NUP58: variants seen among roughly 807,000 people sequenced by gnomAD.
The protein encoded by NUP58 is nucleoporin p58/p45.
NUP58 carries 17 observed loss-of-function variants against 70.1 expected under a neutral mutation model. The observed-to-expected ratio is 0.24, with a 90% confidence interval of 0.17 to 0.36. The LOEUF (loss-of-function observed/expected upper bound fraction) is 0.36, where lower values mean the gene tolerates loss of function less well. Among genes scored for constraint, NUP58 ranks in the 10% least tolerant of loss-of-function variants. NUP58 has a pLI of 1.00. For missense variants in NUP58, 644 were observed against 701.5 expected, an observed-to-expected ratio of 0.92 and a Z score of 0.93; for synonymous variants, 275 against 257.6, an observed-to-expected ratio of 1.07 and a Z score of -0.65.
chr13:25,345,911 T>G (rs748980082), downstream of NUP58, among the ~76,000 whole-genome samples: 6 of 152,344 alleles, frequency 3.9e-5, no homozygotes, highest in Non-Finnish European at 8.8e-5. Flanking sequence ...AGAATGTGTT[T>G]GTTTTTTCTA....
intron 1 of NUP58, among the ~76,000 whole-genome samples, chr13:25,306,904 G>A (rs1429522521): frequency 6.6e-6 from 1 of 152,086 alleles, no homozygotes; most frequent in East Asian, 1.9e-4. Flanking sequence ...ATGATCCTGA[G>A]ACAGGGTGAT....
intron 9 of NUP58, among the ~76,000 whole-genome samples, chr13:25,324,118 CAG>C (rs2031298230): frequency 6.6e-6 from 1 of 151,984 alleles, no homozygotes; most frequent in Non-Finnish European, 1.5e-5. Context: ...TAGCAGGGGT[CAG>C]AGTCTTGAAT....
intron 13 of NUP58, chr13:25,335,558 A>G (rs2031750695): frequency 1.0e-6 from 1 of 983,590 alleles, no homozygotes; most frequent in Non-Finnish European, 1.2e-6. Context: ...TCTCAAAGTG[A>G]TCTCAAACTG....
downstream of NUP58, among the ~76,000 whole-genome samples, chr13:25,346,161 T>C (rs961510571): frequency 2.6e-5 from 4 of 152,174 alleles, no homozygotes; most frequent in Non-Finnish European, 5.9e-5. Flanking sequence ...TTGTCTATAC[T>C]CAATAGCTAA....
Position 25,307,780 on chromosome 13 carries a change from GTTTTGT to G in NUP58, c.108-17_108-12del, listed in dbSNP as rs1203588537. ...ACCTCCTTTTGTGCATGTGATTTTT[GTTTTGT>G]TTTTGTTTCTTTAAATAAGCAACCC... On this transcript the variant is annotated intron_variant, in intron 1 of 15. Transcript: ENST00000381736. The G allele has an allele frequency of 3.1e-6, 5 of 1,610,998 alleles. No homozygotes were observed. Among genetic ancestry groups the G allele is most frequent in the South Asian group, 1.1e-5 (1 of 90,736 alleles).
chr13:25,306,595 ATTC>A (rs901381667), intron 1 of NUP58, among the ~76,000 whole-genome samples: 1 of 152,126 alleles, frequency 6.6e-6, no homozygotes, highest in African/African-American at 2.4e-5. Context: ...CATGGTGATT[ATTC>A]TTTATGGAAG....
At chr13:25,313,851 AT>A in intron 5 of NUP58, 100 bp downstream of exon 5, 1 of 918,710 alleles carries the variant, frequency 1.1e-6, no homozygotes, top group Non-Finnish European at 1.5e-6. Flanking sequence ...TAATCTGCAT[AT>A]TTTCCTTTAA....
intron 13 of NUP58, chr13:25,336,257 T>G: frequency 7.3e-7 from 1 of 1,366,428 alleles, no homozygotes; most frequent in South Asian, 1.1e-5. Flanking sequence ...TAGAACTCAA[T>G]TATCACTTTT....
intron 13 of NUP58, 58 bp downstream of exon 13, chr13:25,331,616 G>A (rs566874638): frequency 2.2e-5 from 34 of 1,557,220 alleles, no homozygotes; most frequent in East Asian, 1.9e-4. Context: ...ATTTATGTGC[G>A]TTTTTATAAG....
At chr13:25,334,017 A>G in intron 13 of NUP58, 1 of 985,330 alleles carries the variant, frequency 1.0e-6, no homozygotes, top group Non-Finnish European at 1.2e-6. Flanking sequence ...GAATAGACTT[A>G]AACGACTTCT....
At chr13:25,329,372 A>AT (rs564020674) in intron 12 of NUP58, among the ~76,000 whole-genome samples, 69 of 151,884 alleles carry the variant, frequency 4.5e-4, no homozygotes, top group South Asian at 1.2e-3. Context: ...GTAAACGTAC[A>AT]TTTTTTTTAG....
chr13:25,344,442 C>T (rs970556272), downstream of NUP58, among the ~76,000 whole-genome samples: 1 of 152,190 alleles, frequency 6.6e-6, no homozygotes, highest in Non-Finnish European at 1.5e-5. Flanking sequence ...TCTTCCTGCA[C>T]CAATACCCCA....
intron 13 of NUP58, chr13:25,336,117 T>G (rs1472493071): frequency 1.6e-6 from 2 of 1,286,794 alleles, no homozygotes; most frequent in Non-Finnish European, 1.0e-6. Context: ...TTCCAAAACG[T>G]TGGAAAGAAA....
At chr13:25,320,394 G>A in intron 7 of NUP58, 136 bp from the exon 8 acceptor site, 1 of 578,128 alleles carries the variant, frequency 1.7e-6, no homozygotes, top group Non-Finnish European at 3.1e-6. Flanking sequence ...AAAGAGCTTT[G>A]AAATCATCCA....
At position 25,306,866 on chromosome 13, in the gene NUP58, G is replaced by A. The variant is rs189817489; in HGVS notation, c.108-940G>A. Reference sequence around the variant, plus strand: ...GTTCTTTTTTTAAGCTTTGCACTGTGCTCTGAAGAGTTTCTGTTAATGAAT... The same window carrying A: ...GTTCTTTTTTTAAGCTTTGCACTGTACTCTGAAGAGTTTCTGTTAATGAAT... On this transcript the variant is annotated intron_variant, in intron 1 of 15. Transcript: ENST00000381736. 3.7e-4 allele frequency among the ~76,000 whole-genome samples: 56 copies of A among 152,224 alleles called. 1 individual carries two copies. Among genetic ancestry groups the A allele is most frequent in the Non-Finnish European group, 3.2e-4 (22 of 68,026 alleles).
chr13:25,310,519 CTTTTTTTTTTTT>C (rs34548230), intron 3 of NUP58, among the ~76,000 whole-genome samples: 1 of 53,552 alleles, frequency 1.9e-5, no homozygotes, highest in Non-Finnish European at 3.3e-5. Flanking sequence ...TGTGCCTGGC[CTTTTTTTTTTTT>C]TTTTTTTTTT....
chr13:25,315,267 C>T, intron 5 of NUP58, 90 bp from the exon 6 acceptor site: 1 of 884,690 alleles, frequency 1.1e-6, no homozygotes. Context: ...AATCTAGGAT[C>T]CAACTTTAAA....
At position 25,324,969 on chromosome 13, in the gene NUP58, TA is replaced by T; in HGVS notation, c.952-17del. ...CTTAACTGGCTTTTTTTTTTTTTTTTAAATCCTCTGGTATATTAGGAGTTGA... is the reference window on the plus strand; with the variant it reads ...CTTAACTGGCTTTTTTTTTTTTTTTTAATCCTCTGGTATATTAGGAGTTGA... On this transcript the variant is annotated intron_variant, in intron 9 of 15. Transcript: ENST00000381736. 15 of 1,442,172 alleles carry T rather than the reference TA, an allele frequency of 1.0e-5. No individual in the cohort carries two copies. The highest frequency in any genetic ancestry group is 2.0e-4 in the Middle Eastern group (1 of 4,994). 89.3% of individuals were successfully genotyped at this position (1,442,172 alleles called of 1,614,324 possible).
intron 11 of NUP58, 152 bp from the exon 12 acceptor site, chr13:25,327,278 T>G: frequency 3.5e-6 from 2 of 577,402 alleles, no homozygotes. Context: ...TTCAGTCTGC[T>G]ACTCTGTGTG....
Sources: gnomAD v4.1 joint callset for allele counts (sites outside exome capture counted in the v4.1 genomes callset) on GRCh38, gnomAD v4.1.1 for gene constraint, MANE v1.5 for transcripts, NCBI Gene and HGNC (gene_info 2026-07-23, HGNC 2026-07-21) for gene names.